Variants in UACA observed in about 807,000 individuals in gnomAD.
UACA encodes the protein uveal autoantigen with coiled-coil domains and ankyrin repeats, also known as nuclear membrane binding protein.
A neutral mutation model predicts 160.5 loss-of-function variants in UACA; 112 were observed. That is an observed-to-expected ratio of 0.70 (90% CI 0.60 to 0.82). The LOEUF is 0.82. Ranked by LOEUF, UACA falls within the 40% of genes least tolerant of loss-of-function variation. The pLI is 0.00. For missense variants in UACA, 1,574 were observed against 1,614.6 expected, an observed-to-expected ratio of 0.97 and a Z score of 0.43; for synonymous variants, 557 against 568.4, an observed-to-expected ratio of 0.98 and a Z score of 0.29.
chr15:70,672,641 T>C lies in UACA; in HGVS notation c.1132-640A>G, dbSNP rs189474859. 6.0e-3 allele frequency among the ~76,000 whole-genome samples: 906 copies of C among 152,232 alleles called. 4 individuals are homozygous for C. Among genetic ancestry groups the C allele is most frequent in the Non-Finnish European group, 0.011 (719 of 68,010 alleles). ...TAAGCCAAATACAAAGAATCTAATA[T>C]ATAAATTAAAATACTACACTTCAAG... On this transcript the variant is annotated intron_variant, in intron 13 of 18. Coordinates refer to ENST00000322954, the MANE Select transcript of UACA (RefSeq NM_018003.4).
rs772729423 is a variant in UACA at position 70,668,771 on chromosome 15, G to C, written c.1913C>G (p.Ser638Ter). 6.2e-7 allele frequency: 1 copy of C among 1,613,678 alleles called. No individual in the cohort carries two copies. The highest frequency in any genetic ancestry group is 1.7e-5 in the Admixed American group (1 of 59,948). The change falls in exon 16 of 19, where the codon TCA becomes TGA. Residue 638 changes from serine (S) to a stop codon, truncating the protein, a stop_gained. Coordinates refer to ENST00000322954, the MANE Select transcript of UACA (RefSeq NM_018003.4). LOFTEE classifies it high-confidence loss of function. Reference sequence around the variant, plus strand: ...TTTCTCATTCACTTCATTTGATAATGAGCTCTTCATGTTTTCAAATTTTTC... The same window carrying C: ...TTTCTCATTCACTTCATTTGATAATCAGCTCTTCATGTTTTCAAATTTTTC... ...PAEKFENMKS[S>*]LSNEVNEKAK...
chr15:70,683,402 G>A (rs1030928091), intron 8 of UACA, among the ~76,000 whole-genome samples: 1 of 151,906 alleles, frequency 6.6e-6, no homozygotes, highest in African/African-American at 2.4e-5. Context: ...TCCTAAATTC[G>A]AAGGCAATTT....
chr15:70,767,268 AACAAAAAC>A (rs1396203088), upstream of UACA, among the ~76,000 whole-genome samples: 7,712 of 136,214 alleles, frequency 0.057, 693 homozygotes, highest in African/African-American at 0.11. Flanking sequence ...AAAAAACAAA[AACAAAAAC>A]AACAACAATA....
chr15:70,745,198 G>A (rs1162670918), intron 1 of UACA, among the ~76,000 whole-genome samples: 9 of 152,066 alleles, frequency 5.9e-5, no homozygotes, highest in East Asian at 1.9e-4. Context: ...TTGGGATGCC[G>A]AGGCAGGCGG....
Position 70,721,520 on chromosome 15 carries a change from G to A in UACA, c.79-21860C>T, listed in dbSNP as rs537027418. Reference sequence around the variant, plus strand: ...CGGGAGCCTGTAGTTCCAGCTACTCGGGAGGCTGAGGCAGGAGAATGGCGT... The same window carrying A: ...CGGGAGCCTGTAGTTCCAGCTACTCAGGAGGCTGAGGCAGGAGAATGGCGT... On this transcript the variant is annotated intron_variant, in intron 1 of 18. Coordinates refer to ENST00000322954, the MANE Select transcript of UACA (RefSeq NM_018003.4). Among the ~76,000 whole-genome samples, 76 of 151,988 alleles carry A rather than the reference G, an allele frequency of 5.0e-4. No homozygotes were observed. In the Middle Eastern group the frequency reaches 0.01, roughly 20 times the overall value.
At chr15:70,692,434 A>G (rs1164475008) in intron 3 of UACA, among the ~76,000 whole-genome samples, 5 of 152,270 alleles carry the variant, frequency 3.3e-5, no homozygotes, top group Non-Finnish European at 7.4e-5. Flanking sequence ...AAGTAATAGG[A>G]TTACAAGCAT....
chr15:70,728,795 A>C (rs1438116639), intron 1 of UACA, among the ~76,000 whole-genome samples: 1 of 151,712 alleles, frequency 6.6e-6, no homozygotes, highest in Non-Finnish European at 1.5e-5. Context: ...CTATGTATCC[A>C]ACAAAGGTTT....
chr15:70,765,640 G>A (rs1279452875), upstream of UACA, among the ~76,000 whole-genome samples: 1 of 152,130 alleles, frequency 6.6e-6, no homozygotes, highest in Admixed American at 6.6e-5. Context: ...GCATGTTATA[G>A]GTGTTTAATA....
Position 70,668,362 on chromosome 15 carries a change from T to G in UACA, c.2322A>C (p.Lys774Asn). ...CCATTTCCAACTTCTTTTCTGTATA[T>G]TTTTGTGTTACATCTAAAAGCTTTC... is the stretch of plus-strand genomic sequence containing the variant. ...LNRKLLDVTQ[K>N]YTEKKLEMEK... is the part of the protein sequence containing the mutation. The change falls in exon 16 of 19, where the codon AAA (lysine) becomes AAC (asparagine). Residue 774 changes from lysine to asparagine, a missense_variant. Coordinates refer to ENST00000322954, the MANE Select transcript of UACA (RefSeq NM_018003.4). 1.2e-6 allele frequency: 2 copies of G among 1,608,422 alleles called. No homozygotes were observed. The highest frequency in any genetic ancestry group is 1.7e-6 in the Non-Finnish European group (2 of 1,178,764).
chr15:70,687,699 T>C (rs1374988827), intron 6 of UACA, 51 bp downstream of exon 6: 4 of 1,612,928 alleles, frequency 2.5e-6, no homozygotes, highest in East Asian at 2.2e-5. Context: ...TCCCAAAATG[T>C]AGAAGTTAGA....
chr15:70,678,283 G>C, intron 10 of UACA, 77 bp from the exon 11 acceptor site: 1 of 917,070 alleles, frequency 1.1e-6, no homozygotes, highest in Non-Finnish European at 1.7e-6. Context: ...TTTAAAAGCA[G>C]TTCACTACCA....
chr15:70,687,486 C>T, intron 7 of UACA, 54 bp downstream of exon 7: 1 of 1,564,896 alleles, frequency 6.4e-7, no homozygotes, highest in East Asian at 2.2e-5. Flanking sequence ...TTGACTTGGC[C>T]TTTCCATCCC....
At chr15:70,686,973 G>A (rs544813514) in intron 7 of UACA, among the ~76,000 whole-genome samples, 3 of 152,226 alleles carry the variant, frequency 2.0e-5, no homozygotes, top group African/African-American at 7.2e-5. Flanking sequence ...AACTAAAATA[G>A]TATCAAATAC....
intron 3 of UACA, among the ~76,000 whole-genome samples, chr15:70,693,106 T>C (rs982220033): frequency 6.6e-6 from 1 of 152,212 alleles, no homozygotes; most frequent in Non-Finnish European, 1.5e-5. Flanking sequence ...CTAAAATAAC[T>C]GTCATTTACA....
intron 7 of UACA, among the ~76,000 whole-genome samples, 191 bp from the exon 8 acceptor site, chr15:70,684,637 C>T (rs1897643521): frequency 6.6e-6 from 1 of 151,716 alleles, no homozygotes; most frequent in African/African-American, 2.4e-5. Flanking sequence ...GGAGATGAAC[C>T]AATACTGTTT....
intron 5 of UACA, among the ~76,000 whole-genome samples, chr15:70,688,300 T>G (rs1468127430): frequency 2.0e-5 from 3 of 152,160 alleles, no homozygotes. Context: ...AGTAAGGTCA[T>G]TTTGCTAATA....
intron 4 of UACA, 121 bp downstream of exon 4, chr15:70,691,178 A>C: frequency 1.6e-6 from 1 of 616,404 alleles, no homozygotes; most frequent in Non-Finnish European, 2.7e-6. Context: ...AAAAATATGT[A>C]AGCTCATAGT....
chr15:70,766,911 G>T (rs1023433453), upstream of UACA, among the ~76,000 whole-genome samples: 1 of 152,150 alleles, frequency 6.6e-6, no homozygotes, highest in East Asian at 1.9e-4. Context: ...CGGCAAAAAC[G>T]ATGACAAATA....
At position 70,660,147 on chromosome 15, in the gene UACA, T is replaced by C; in HGVS notation, c.4179+4A>G. 8 of 1,609,030 alleles carry C rather than the reference T, an allele frequency of 5.0e-6. No individual in the cohort carries two copies. The highest frequency in any genetic ancestry group is 5.9e-6 in the Non-Finnish European group (7 of 1,177,086). On this transcript the variant is annotated splice_donor_region_variant and intron_variant, in intron 18 of 18. Transcript: ENST00000322954. Reference sequence around the variant, plus strand: ...TTCTTTCCAAAGGAGAAGTAGTTCTTTACCTGTGCAGCACTAAGAAGGTGT... The same window carrying C: ...TTCTTTCCAAAGGAGAAGTAGTTCTCTACCTGTGCAGCACTAAGAAGGTGT...
Sources: gnomAD v4.1 joint callset for allele counts (sites outside exome capture counted in the v4.1 genomes callset) on GRCh38, gnomAD v4.1.1 for gene constraint, MANE v1.5 for transcripts, NCBI Gene and HGNC (gene_info 2026-07-23, HGNC 2026-07-21) for gene names.